The following PRKG1 variants were observed in gnomAD, a reference collection of about 807,000 sequenced individuals.
PRKG1 encodes the protein cGMP-dependent protein kinase 1.
In PRKG1, 35 loss-of-function variants were observed where a neutral mutation model predicts 88.1. That is an observed-to-expected ratio of 0.40 (90% CI 0.30 to 0.53). The LOEUF is 0.53. PRKG1 is among the 20% of genes least tolerant of loss of function. The pLI, the probability that PRKG1 is intolerant of heterozygous loss-of-function variation, is 0.59. For synonymous variants in PRKG1, 303 were observed against 292.5 expected (o/e 1.04, Z -0.37); for missense variants, 540 against 839.8 (o/e 0.64, Z 4.41).
intron 5 of PRKG1, 22 bp from the exon 6 acceptor site, chr10:52,054,462 T>G: frequency 6.3e-7 from 1 of 1,592,962 alleles, no homozygotes; most frequent in Non-Finnish European, 8.6e-7. Flanking sequence ...TAATTTTTTT[T>G]CTTATTGTTT....
chr10:51,481,069 A>G (rs773497453), intron 3 of PRKG1, among the ~76,000 whole-genome samples: 1 of 152,112 alleles, frequency 6.6e-6, no homozygotes, highest in Non-Finnish European at 1.5e-5. Flanking sequence ...GAATTAATCT[A>G]TCTTTCTGAA....
chr10:51,629,739 T>C (rs1384534585), intron 3 of PRKG1, among the ~76,000 whole-genome samples: 1 of 152,188 alleles, frequency 6.6e-6, no homozygotes, highest in Admixed American at 6.5e-5. Flanking sequence ...ACAAAGTCGA[T>C]TCACCTGGCT....
chr10:52,160,477 G>C (rs1347513597), intron 8 of PRKG1, among the ~76,000 whole-genome samples: 1 of 151,112 alleles, frequency 6.6e-6, no homozygotes, highest in African/African-American at 2.4e-5. Flanking sequence ...TCTTTTTTGG[G>C]GTCCCTTTAT....
At chr10:52,164,360 G>GTAAATAAA (rs200650039) in intron 9 of PRKG1, among the ~76,000 whole-genome samples, 19,974 of 139,682 alleles carry the variant, frequency 0.14, 1,596 homozygotes, top group Non-Finnish European at 0.18. Flanking sequence ...TCAAAAATAA[G>GTAAATAAA]TAAGTAAATA....
chr10:51,422,472 GA>G (rs1838445400), intron 2 of PRKG1, among the ~76,000 whole-genome samples: 1 of 152,164 alleles, frequency 6.6e-6, no homozygotes, highest in Admixed American at 6.5e-5. Flanking sequence ...ACATCTCAGA[GA>G]AGTCCTGCTA....
chr10:51,627,590 T>C (rs551632365), intron 3 of PRKG1, among the ~76,000 whole-genome samples: 2 of 152,198 alleles, frequency 1.3e-5, no homozygotes, highest in African/African-American at 4.8e-5. Flanking sequence ...TTTTTGTTTG[T>C]TTGTTTTCTG....
At chr10:51,832,965 C>T (rs1452130964) in intron 4 of PRKG1, among the ~76,000 whole-genome samples, 1 of 152,048 alleles carries the variant, frequency 6.6e-6, no homozygotes, top group Non-Finnish European at 1.5e-5. Context: ...ATAAATCTTG[C>T]CTGGTTAATG....
chr10:51,908,734 A>ATATATATTTTTTTTTTTTTTT (rs563212069), intron 5 of PRKG1: 1 of 52,222 alleles, frequency 1.9e-5, no homozygotes, highest in Admixed American at 2.1e-4. Flanking sequence ...TCTATATGTA[A>ATATATATTTTTTTTTTTTTTT]TTTTTTTTTT....
intron 2 of PRKG1, among the ~76,000 whole-genome samples, chr10:51,253,745 G>C (rs1021672596): frequency 8.6e-5 from 13 of 151,906 alleles, no homozygotes; most frequent in Non-Finnish European, 1.8e-4. Context: ...CCAGAACATA[G>C]AAGTGCCCAT....
intron 3 of PRKG1, among the ~76,000 whole-genome samples, chr10:51,491,846 A>G (rs1840714997): frequency 6.6e-6 from 1 of 152,104 alleles, no homozygotes; most frequent in African/African-American, 2.4e-5. Context: ...AGGTTTTGCA[A>G]TTTGGTCTTT....
intron 7 of PRKG1, among the ~76,000 whole-genome samples, chr10:52,107,605 T>C (rs945629698): frequency 3.9e-5 from 6 of 152,302 alleles, no homozygotes; most frequent in Non-Finnish European, 8.8e-5. Flanking sequence ...TTTAAAAATG[T>C]TGCACTTTGT....
intron 10 of PRKG1, among the ~76,000 whole-genome samples, chr10:52,262,855 C>G (rs1317815186): frequency 4.6e-5 from 7 of 152,022 alleles, no homozygotes; most frequent in Non-Finnish European, 8.8e-5. Flanking sequence ...TAATACAATG[C>G]AAATGTTATG....
chr10:51,140,520 T>C (rs1246000190), intron 1 of PRKG1, among the ~76,000 whole-genome samples: 1 of 152,224 alleles, frequency 6.6e-6, no homozygotes, highest in Non-Finnish European at 1.5e-5. Flanking sequence ...AAATGTTGCA[T>C]AACCATTATT....
At chr10:51,786,285 C>T (rs900676472) in intron 3 of PRKG1, among the ~76,000 whole-genome samples, 9 of 152,090 alleles carry the variant, frequency 5.9e-5, no homozygotes, top group East Asian at 1.9e-4. Context: ...AGTGGTGAGA[C>T]GCCTTGGATA....
At chr10:51,566,358 G>A (rs775585036) in intron 3 of PRKG1, among the ~76,000 whole-genome samples, 3 of 152,012 alleles carry the variant, frequency 2.0e-5, no homozygotes, top group Non-Finnish European at 4.4e-5. Context: ...CCTAAACCAA[G>A]CAGTTCTTTC....
Position 51,457,533 on chromosome 10 carries a change from T to C in PRKG1, c.479-10190T>C, listed in dbSNP as rs1839620854. 2.0e-5 allele frequency among the ~76,000 whole-genome samples: 3 copies of C among 152,120 alleles called. No homozygotes were observed. The South Asian group carries it at 6.2e-4, about 32-fold the overall frequency. ...TCAGAAATCACCACTGAAGAACTTA[T>C]CCATGTAACCAAAAACCACTTGTTC... On this transcript the variant is annotated intron_variant, in intron 2 of 17. Coordinates refer to ENST00000373980, the MANE Select transcript of PRKG1 (RefSeq NM_006258.4).
At chr10:51,490,439 A>G (rs534094707) in intron 3 of PRKG1, among the ~76,000 whole-genome samples, 81 of 152,292 alleles carry the variant, frequency 5.3e-4, no homozygotes, top group African/African-American at 1.7e-3. Context: ...ATGATGAAAC[A>G]GGATTCAAGA....
At chr10:51,087,085 A>T (rs1844271834) in intron 1 of PRKG1, among the ~76,000 whole-genome samples, 1 of 152,152 alleles carries the variant, frequency 6.6e-6, no homozygotes, top group Non-Finnish European at 1.5e-5. Flanking sequence ...AGATTTCAAC[A>T]CTTCTTTTTG....
intron 2 of PRKG1, among the ~76,000 whole-genome samples, chr10:51,353,587 T>C (rs1262908420): frequency 1.3e-5 from 2 of 151,996 alleles, no homozygotes; most frequent in Non-Finnish European, 2.9e-5. Flanking sequence ...ATACAAACGC[T>C]ACAATGAGAT....
Sources: gnomAD v4.1 joint callset for allele counts (sites outside exome capture counted in the v4.1 genomes callset) on GRCh38, gnomAD v4.1.1 for gene constraint, MANE v1.5 for transcripts, NCBI Gene and HGNC (gene_info 2026-07-23, HGNC 2026-07-21) for gene names.